CLUAP1: variants seen among roughly 807,000 people sequenced by gnomAD.
CLUAP1 encodes clusterin-associated protein 1.
Under a neutral mutation model 55.0 loss-of-function variants are expected in CLUAP1, and 50 were observed. The ratio of observed to expected loss-of-function variants is 0.91; its 90% CI spans 0.72 to 1.15. The LOEUF is 1.15. Ranked by LOEUF, CLUAP1 falls within the 50% of genes most tolerant of loss-of-function variation. The pLI, the probability that CLUAP1 is intolerant of heterozygous loss-of-function variation, is 0.00. For missense variants in CLUAP1, 530 were observed against 507.6 expected (o/e 1.04, Z -0.42); for synonymous variants, 195 against 175.4 (o/e 1.11, Z -0.88).
chr16:3,496,269 C>T (rs910553390), upstream of CLUAP1: 10 of 746,224 alleles, frequency 1.3e-5, no homozygotes, highest in Non-Finnish European at 2.4e-5. Flanking sequence ...GCCAGGATAT[C>T]TAACTGAGGC....
At chr16:3,520,247 C>T (rs934620358) in intron 7 of CLUAP1, among the ~76,000 whole-genome samples, 7 of 152,050 alleles carry the variant, frequency 4.6e-5, no homozygotes, top group Non-Finnish European at 1.0e-4. Flanking sequence ...TGATACACAC[C>T]TGTAGTCCCA....
intron 6 of CLUAP1, among the ~76,000 whole-genome samples, chr16:3,516,050 C>T (rs2037724019): frequency 6.6e-6 from 1 of 152,158 alleles, no homozygotes. Flanking sequence ...TGACTCTAGA[C>T]TCAGATTGCT....
At chr16:3,507,664 A>G (rs1019467169) in intron 3 of CLUAP1, among the ~76,000 whole-genome samples, 4 of 149,340 alleles carry the variant, frequency 2.7e-5, no homozygotes, top group Admixed American at 1.3e-4. Flanking sequence ...CCACTATTTT[A>G]AATCTCTTCC....
chr16:3,496,652 C>T (rs962561751), upstream of CLUAP1: 1 of 532,818 alleles, frequency 1.9e-6, no homozygotes, highest in Admixed American at 1.9e-5. Context: ...ACAGGTGTAC[C>T]GGCATTTCGG....
chr16:3,509,399 G>A (rs1355730809), intron 4 of CLUAP1, among the ~76,000 whole-genome samples: 1 of 152,208 alleles, frequency 6.6e-6, no homozygotes, highest in African/African-American at 2.4e-5. Context: ...GGATCCAAGC[G>A]GAACCTTCTG....
At chr16:3,511,460 C>T (rs1332909653) in intron 4 of CLUAP1, among the ~76,000 whole-genome samples, 1 of 152,138 alleles carries the variant, frequency 6.6e-6, no homozygotes, top group Admixed American at 6.5e-5. Flanking sequence ...ATTGTAAGTC[C>T]TTAGTGGGTG....
intron 6 of CLUAP1, 48 bp downstream of exon 6, chr16:3,515,639 A>G (rs1284381613): frequency 1.5e-6 from 2 of 1,292,662 alleles, no homozygotes; most frequent in Non-Finnish European, 1.1e-6. Context: ...CTGGGATTCA[A>G]AAATACTGAT....
rs774806220 is a variant in CLUAP1 at position 3,508,511 on chromosome 16, T to C, written c.399+43T>C. ...CTTGTAGTGGGCGATGGAGCGTTGA[T>C]TTCTTGAGCTCTGAAGTGGAAGGAG... On this transcript the variant is annotated intron_variant, in intron 4 of 11. Coordinates refer to ENST00000576634, the MANE Select transcript of CLUAP1 (RefSeq NM_015041.3). The C allele has an allele frequency of 4.0e-6, 6 of 1,484,376 alleles. No homozygotes were observed. The South Asian group carries it at 8.5e-5, about 21-fold the overall frequency. 92.0% of individuals were successfully genotyped at this position (1,484,376 alleles called of 1,614,324 possible).
chr16:3,529,616 ATAT>A (rs1171502869), intron 9 of CLUAP1, among the ~76,000 whole-genome samples: 53 of 17,768 alleles, frequency 3.0e-3, no homozygotes, highest in East Asian at 0.029. Context: ...ATATTATATA[ATAT>A]TATATATTAT....
chr16:3,508,498 G>T (rs188218609), intron 4 of CLUAP1, 30 bp downstream of exon 4: 1 of 1,510,206 alleles, frequency 6.6e-7, no homozygotes, highest in South Asian at 1.3e-5. Flanking sequence ...TGTAGTGGGC[G>T]ATGGAGCGTT....
intron 3 of CLUAP1, among the ~76,000 whole-genome samples, chr16:3,507,453 G>A (rs912269299): frequency 6.6e-6 from 1 of 151,602 alleles, no homozygotes; most frequent in South Asian, 2.1e-4. Flanking sequence ...TCAGGTGCTT[G>A]GGAGGCTGAG....
intron 9 of CLUAP1, among the ~76,000 whole-genome samples, chr16:3,528,551 C>A (rs575349669): frequency 5.3e-5 from 8 of 152,272 alleles, no homozygotes; most frequent in African/African-American, 1.9e-4. Context: ...CAGTGATCAG[C>A]CTGCATGGGG....
At position 3,530,561 on chromosome 16, in the gene CLUAP1, C is replaced by G. The variant is rs2038093646; in HGVS notation, c.929-7C>G. On this transcript the variant is annotated splice_polypyrimidine_tract_variant and splice_region_variant and intron_variant, in intron 9 of 11. Transcript: ENST00000576634. ...TCCTTTGTTTTGCCTGCTTGTGTTCCTGCTAGGTAACGATGACTCGGACAT... is the reference window on the plus strand; with the variant it reads ...TCCTTTGTTTTGCCTGCTTGTGTTCGTGCTAGGTAACGATGACTCGGACAT... The G allele has an allele frequency of 6.2e-7, 1 of 1,611,004 alleles. No individual in the cohort carries two copies. Among genetic ancestry groups the G allele is most frequent in the South Asian group, 1.1e-5 (1 of 90,988 alleles).
Position 3,508,458 on chromosome 16 carries a change from T to C in CLUAP1, c.389T>C (p.Leu130Pro), listed in dbSNP as rs756795520. The change falls in exon 4 of 12, where the codon CTT (leucine) becomes CCT (proline). Residue 130 changes from leucine to proline, a missense_variant. Coordinates refer to ENST00000576634, the MANE Select transcript of CLUAP1 (RefSeq NM_015041.3). ...GATGTCAACAAGTTCAAGTTTGATC[T>C]TGGCTCAAAGGTAAGGACAACAAAA... ...EEDVNKFKFD[L>P]GSKIADLKAA... 2 of 1,574,674 alleles carry C rather than the reference T, an allele frequency of 1.3e-6. No homozygotes were observed.
chr16:3,530,633 C>T lies in CLUAP1; in HGVS notation c.994C>T (p.Arg332Trp), dbSNP rs751298124. 28 of 1,613,674 alleles carry T rather than the reference C, an allele frequency of 1.7e-5. No homozygotes were observed. In the East Asian group the frequency reaches 2.2e-4, roughly 13 times the overall value. The change falls in exon 10 of 12, where the codon CGG becomes TGG. Residue 332 changes from arginine to tryptophan, a missense_variant. Physicochemically the swap from Arg to Trp is moderately radical, Grantham distance 101 (BLOSUM62 -3). Transcript: ENST00000576634. Reference sequence around the variant, plus strand: ...ATCCGACAGTGAGTTGGAAGAAAGGCGGCTGCCCAAGCCACAGACAGCCAT... The same window carrying T: ...ATCCGACAGTGAGTTGGAAGAAAGGTGGCTGCCCAAGCCACAGACAGCCAT... The part of the protein sequence containing the change: ...DESDSELEER[R>W]LPKPQTAMEM...
intron 8 of CLUAP1, 85 bp from the exon 9 acceptor site, chr16:3,526,327 T>A: frequency 1.2e-6 from 1 of 806,146 alleles, no homozygotes; most frequent in Non-Finnish European, 1.8e-6. Flanking sequence ...AGCACAAACT[T>A]AGCAGTCCTT....
chr16:3,526,394 G>T lies in CLUAP1; in HGVS notation c.856-18G>T. On this transcript the variant is annotated intron_variant, in intron 8 of 11. Coordinates refer to ENST00000576634, the MANE Select transcript of CLUAP1 (RefSeq NM_015041.3). ...GAAAAGGGCCATCTCTCCTGAGTCTGTATTTCCTCTTCCACAGGAAGCTAA... is the reference window on the plus strand; with the variant it reads ...GAAAAGGGCCATCTCTCCTGAGTCTTTATTTCCTCTTCCACAGGAAGCTAA... The T allele has an allele frequency of 6.3e-7, 1 of 1,578,942 alleles. No individual in the cohort carries two copies.
rs532161737 is a variant in CLUAP1, at chr16:3,522,652, ATCC to A, written c.714-498_714-496del. Among the ~76,000 whole-genome samples the A allele has an allele frequency of 8.5e-4, 129 of 152,056 alleles. 1 individual carries two copies. The highest frequency in any genetic ancestry group is 2.8e-3 in the African/African-American group (115 of 41,440). On this transcript the variant is annotated intron_variant, in intron 7 of 11. Coordinates refer to ENST00000576634, the MANE Select transcript of CLUAP1 (RefSeq NM_015041.3). Reference sequence around the variant, plus strand: ...CTGCAGCCTTGAACTCCAGGGCTCAATCCTCCTCCTACTTCAGCCTCCCAAAGT... The same window carrying A: ...CTGCAGCCTTGAACTCCAGGGCTCAATCCTCCTACTTCAGCCTCCCAAAGT...
rs2038284673 is a variant in CLUAP1 at position 3,538,725 on chromosome 16, C to T, written c.*2454C>T. On this transcript the variant is annotated 3_prime_UTR_variant, in exon 12 of 12. Transcript: ENST00000576634. ...CAAGGTCTCACCATGTATAGCACTG[C>T]CTTGCTTGAGCACGGAAGTTTCTGT... is the stretch of plus-strand genomic sequence containing the variant. 1 of 152,186 alleles carries T rather than the reference C, an allele frequency of 6.6e-6. No homozygotes were observed. Among genetic ancestry groups the T allele is most frequent in the South Asian group, 2.1e-4 (1 of 4,832 alleles). 9.4% of individuals were successfully genotyped at this position (152,186 alleles called of 1,614,324 possible).
Sources: allele counts gnomAD v4.1 joint callset (sites outside exome capture counted in the v4.1 genomes callset), GRCh38; gene constraint gnomAD v4.1.1; transcripts MANE v1.5; gene names NCBI Gene and HGNC (gene_info 2026-07-23, HGNC 2026-07-21).